The following DMXL2 variants were observed in gnomAD, a reference collection of about 807,000 sequenced individuals.
The protein encoded by DMXL2 is dmX-like protein 2.
Under a neutral mutation model 331.1 loss-of-function variants are expected in DMXL2, and 103 were observed. That is an observed-to-expected ratio of 0.31 (90% CI 0.27 to 0.37). The LOEUF is 0.37. Among genes scored for constraint, DMXL2 ranks in the 10% least tolerant of loss-of-function variants. DMXL2 has a pLI of 1.00. For synonymous variants in DMXL2, 1,281 were observed against 1,252.1 expected, an observed-to-expected ratio of 1.02 and a Z score of -0.49; for missense variants, 3,171 against 3,642.9, an observed-to-expected ratio of 0.87 and a Z score of 3.33.
In DMXL2 at chr15:51,456,846, T is replaced by C. The variant is rs1033765122; in HGVS notation, c.8338-477A>G. On this transcript the variant is annotated intron_variant, in intron 37 of 43. Coordinates refer to ENST00000560891, the MANE Select transcript of DMXL2 (RefSeq NM_001378457.1). ...AATAATAGCACCTACCACCTAGGATTGTTGTGAGAAAAAGCATGTATCTGA... is the reference window on the plus strand; with the variant it reads ...AATAATAGCACCTACCACCTAGGATCGTTGTGAGAAAAAGCATGTATCTGA... Among the ~76,000 whole-genome samples the C allele has an allele frequency of 3.3e-5, 5 of 152,166 alleles. No homozygotes were observed. In the East Asian group the frequency reaches 9.6e-4, roughly 29 times the overall value.
intron 13 of DMXL2, among the ~76,000 whole-genome samples, chr15:51,523,873 C>A (rs2047516135): frequency 6.6e-6 from 1 of 152,168 alleles, no homozygotes; most frequent in Non-Finnish European, 1.5e-5. Context: ...GACAAATTCA[C>A]AATATAGTTG....
At chr15:51,449,306 C>A in intron 43 of DMXL2, 113 bp from the exon 44 acceptor site, 1 of 911,898 alleles carries the variant, frequency 1.1e-6, no homozygotes, top group Admixed American at 2.1e-5. Context: ...CCTTCCCACC[C>A]ACTGCCTCTT....
chr15:51,580,982 T>C (rs756320746), intron 1 of DMXL2, among the ~76,000 whole-genome samples: 2 of 152,066 alleles, frequency 1.3e-5, no homozygotes, highest in African/African-American at 2.4e-5. Context: ...CTCCGAAAAA[T>C]TGTATTTAAA....
intron 42 of DMXL2, 74 bp from the exon 43 acceptor site, chr15:51,450,420 T>C (rs1257860143): frequency 7.3e-7 from 1 of 1,378,666 alleles, no homozygotes; most frequent in Non-Finnish European, 1.0e-6. Context: ...TACATCCACA[T>C]TTAAATACAG....
intron 42 of DMXL2, among the ~76,000 whole-genome samples, chr15:51,451,237 G>A (rs759185049): frequency 6.6e-6 from 1 of 151,994 alleles, no homozygotes; most frequent in African/African-American, 2.4e-5. Flanking sequence ...AGACCTGCCT[G>A]AGCAATACAG....
intron 1 of DMXL2, among the ~76,000 whole-genome samples, chr15:51,582,606 A>C (rs908220851): frequency 1.3e-5 from 2 of 152,168 alleles, no homozygotes; most frequent in Non-Finnish European, 2.9e-5. Context: ...CCTTCTCTCC[A>C]TTTTAGTCAC....
chr15:51,533,679 G>A (rs959028851), intron 13 of DMXL2, among the ~76,000 whole-genome samples: 18 of 152,192 alleles, frequency 1.2e-4, no homozygotes, highest in South Asian at 6.2e-4. Flanking sequence ...GACTTTCTTC[G>A]TTGACTGCAG....
chr15:51,560,015 T>C (rs1266888754), intron 6 of DMXL2, among the ~76,000 whole-genome samples: 1 of 152,186 alleles, frequency 6.6e-6, no homozygotes, highest in African/African-American at 2.4e-5. Flanking sequence ...CATTATTTAA[T>C]ACATGTCAGA....
At chr15:51,452,228 G>A (rs2039210663) in intron 41 of DMXL2, among the ~76,000 whole-genome samples, 1 of 152,056 alleles carries the variant, frequency 6.6e-6, no homozygotes, top group Non-Finnish European at 1.5e-5. Flanking sequence ...TCTAGACATT[G>A]ACTTAAAGAA....
At chr15:51,515,110 G>A (rs1374119219) in intron 14 of DMXL2, among the ~76,000 whole-genome samples, 1 of 152,136 alleles carries the variant, frequency 6.6e-6, no homozygotes, top group Non-Finnish European at 1.5e-5. Flanking sequence ...TACATCTCTA[G>A]AGAACTAAAC....
Position 51,537,481 on chromosome 15 carries a change from A to T in DMXL2, c.1617+7T>A. The T allele has an allele frequency of 6.3e-7, 1 of 1,599,190 alleles. No homozygotes were observed. On this transcript the variant is annotated splice_region_variant and intron_variant, in intron 11 of 43. Coordinates refer to ENST00000560891, the MANE Select transcript of DMXL2 (RefSeq NM_001378457.1). ...AATGTAATAACTATTTCATCAATAA[A>T]ATATACCTGAACTTGTCTAAATATT...
At chr15:51,473,842 G>C (rs1566997199) in intron 28 of DMXL2, among the ~76,000 whole-genome samples, 1 of 152,096 alleles carries the variant, frequency 6.6e-6, no homozygotes, top group Non-Finnish European at 1.5e-5. Context: ...CTATTTTGGA[G>C]AATAAAAAAA....
intron 8 of DMXL2, among the ~76,000 whole-genome samples, chr15:51,543,306 TTAAA>T (rs996347290): frequency 2.0e-5 from 3 of 152,208 alleles, no homozygotes; most frequent in African/African-American, 4.8e-5. Context: ...CCACATTCAA[TTAAA>T]TAAAGTATAA....
At chr15:51,454,504 T>G (rs531156776) in intron 40 of DMXL2, among the ~76,000 whole-genome samples, 6 of 151,648 alleles carry the variant, frequency 4.0e-5, no homozygotes, top group Non-Finnish European at 8.9e-5. Context: ...AACCTGATTC[T>G]TTTTTTTTCT....
intron 6 of DMXL2, among the ~76,000 whole-genome samples, chr15:51,562,521 T>C (rs8028518): frequency 0.018 from 2,721 of 152,304 alleles, 41 homozygotes; most frequent in Non-Finnish European, 0.031. Context: ...ATGGTAGCTC[T>C]GCTATTTTAG....
rs2048302361 is a variant in DMXL2 at position 51,536,623 on chromosome 15, A to C, written c.1857T>G (p.Gly619=). 4 of 1,614,134 alleles carry C rather than the reference A, an allele frequency of 2.5e-6. No individual in the cohort carries two copies. The highest frequency in any genetic ancestry group is 3.4e-6 in the Non-Finnish European group (4 of 1,179,998). ...TVMMISKHID[G]SLNQWAVTFA... ...AAGTGACTGCCCACTGATTTAAAGA[A>C]CCATCTATGTGTTTAGAGATCATCA... The change falls in exon 12 of 44, where the codon GGT becomes GGG. Residue 619 remains glycine, a synonymous_variant. Coordinates refer to ENST00000560891, the MANE Select transcript of DMXL2 (RefSeq NM_001378457.1).
At chr15:51,475,577 A>G (rs1285602634) in intron 27 of DMXL2, among the ~76,000 whole-genome samples, 1 of 152,174 alleles carries the variant, frequency 6.6e-6, no homozygotes, top group Non-Finnish European at 1.5e-5. Flanking sequence ...TTAAAAAAAC[A>G]ACTGGCTGGT....
intron 13 of DMXL2, among the ~76,000 whole-genome samples, chr15:51,534,141 T>C (rs553062973): frequency 1.3e-5 from 2 of 152,254 alleles, no homozygotes; most frequent in South Asian, 4.2e-4. Context: ...GTCAATTACA[T>C]ACGAAGAATG....
At chr15:51,576,310 G>C in intron 1 of DMXL2, 129 bp from the exon 2 acceptor site, 2 of 649,014 alleles carry the variant, frequency 3.1e-6, no homozygotes, top group Non-Finnish European at 4.6e-6. Flanking sequence ...TTACAAAATA[G>C]TTAATATAAT....
Sources: allele counts gnomAD v4.1 joint callset (sites outside exome capture counted in the v4.1 genomes callset), GRCh38; gene constraint gnomAD v4.1.1; transcripts MANE v1.5; gene names NCBI Gene and HGNC (gene_info 2026-07-23, HGNC 2026-07-21).